Variants in KDM4B observed in about 807,000 individuals in gnomAD.
KDM4B encodes lysine-specific demethylase 4B.
KDM4B carries 32 observed loss-of-function variants against 125.2 expected under a neutral mutation model. The ratio of observed to expected loss-of-function variants is 0.26; its 90% CI spans 0.19 to 0.34. The LOEUF is 0.34. Among genes scored for constraint, KDM4B ranks in the 10% least tolerant of loss-of-function variants. The probability of loss-of-function intolerance (pLI) is 1.00; values close to 1 mark genes in which losing one functional copy is unlikely to be tolerated. For synonymous variants in KDM4B, 721 were observed against 677.9 expected, an observed-to-expected ratio of 1.06 and a Z score of -0.99; for missense variants, 1,190 against 1,577.7, an observed-to-expected ratio of 0.75 and a Z score of 4.16.
chr19:4,977,619 A>G (rs572759898), intron 1 of KDM4B, among the ~76,000 whole-genome samples: 1 of 152,160 alleles, frequency 6.6e-6, no homozygotes. Flanking sequence ...TTTGTATGAG[A>G]TTAGCCGGCC....
At chr19:4,991,008 C>G (rs1339314394) in intron 1 of KDM4B, among the ~76,000 whole-genome samples, 3 of 152,092 alleles carry the variant, frequency 2.0e-5, no homozygotes. Flanking sequence ...GTAGTCCCAG[C>G]TACTAGGGAG....
At chr19:5,009,266 G>A (rs1469150450) in intron 1 of KDM4B, among the ~76,000 whole-genome samples, 1 of 152,170 alleles carries the variant, frequency 6.6e-6, no homozygotes, top group African/African-American at 2.4e-5. Flanking sequence ...TTGGATTTTG[G>A]TATCAATAAG....
At chr19:5,150,587 C>G in intron 22 of KDM4B, 137 bp downstream of exon 22, 5 of 626,690 alleles carry the variant, frequency 8.0e-6, no homozygotes, top group Non-Finnish European at 1.4e-5. Context: ...GGGTCCCGGC[C>G]GCCCCAGCAC....
At chr19:5,088,056 C>T (rs938704123) in intron 9 of KDM4B, among the ~76,000 whole-genome samples, 11 of 152,244 alleles carry the variant, frequency 7.2e-5, no homozygotes, top group African/African-American at 1.4e-4. Flanking sequence ...CTGCTCTTCA[C>T]GCCCACCTGT....
At chr19:5,069,446 AT>A (rs982701643) in intron 6 of KDM4B, among the ~76,000 whole-genome samples, 25 of 151,800 alleles carry the variant, frequency 1.6e-4, no homozygotes, top group African/African-American at 5.6e-4. Flanking sequence ...AGTAGCTGGG[AT>A]TACAGGCGCC....
In KDM4B at chr19:5,051,281, C is replaced by T. The variant is rs372196329; in HGVS notation, c.626+3612C>T. Among the ~76,000 whole-genome samples, 36 of 152,350 alleles carry T rather than the reference C, an allele frequency of 2.4e-4. No individual in the cohort carries two copies. The East Asian group carries it at 4.6e-3, about 20-fold the overall frequency. On this transcript the variant is annotated intron_variant, in intron 6 of 22. Transcript: ENST00000159111. ...AAGAAGAGAGTGGAGTGGCCATCCCCCCTCGAGGGCCCTGGCCCACGCTGC... is the reference window on the plus strand; with the variant it reads ...AAGAAGAGAGTGGAGTGGCCATCCCTCCTCGAGGGCCCTGGCCCACGCTGC...
intron 6 of KDM4B, among the ~76,000 whole-genome samples, chr19:5,062,312 G>A (rs146115885): frequency 1.8e-4 from 27 of 152,360 alleles, no homozygotes; most frequent in African/African-American, 5.5e-4. Context: ...AGACTGACCT[G>A]TGGGGCAGCT....
intron 6 of KDM4B, among the ~76,000 whole-genome samples, chr19:5,061,009 T>A (rs2037577325): frequency 6.6e-6 from 1 of 152,214 alleles, no homozygotes; most frequent in Admixed American, 6.5e-5. Flanking sequence ...CTGCTCCTAA[T>A]TAAAGTGGGC....
chr19:5,143,975 G>C lies in KDM4B; in HGVS notation c.2559G>C (p.Val853=). ...TGTGTCCCCATCCCCAGAAATGCGT[G>C]TACTGCCGGAAGCGGATGAAGAAGG... ...IPEQRWKLKC[V]YCRKRMKKVS... Residue 853 remains valine (V), a synonymous_variant, in exon 19 of 23, where the codon GTG becomes GTC. Coordinates refer to ENST00000159111, the MANE Select transcript of KDM4B (RefSeq NM_015015.3). 1.3e-6 allele frequency: 2 copies of C among 1,581,654 alleles called. No individual in the cohort carries two copies. Among genetic ancestry groups the C allele is most frequent in the Non-Finnish European group, 1.7e-6 (2 of 1,155,262 alleles).
intron 6 of KDM4B, among the ~76,000 whole-genome samples, chr19:5,051,327 C>T (rs1226130572): frequency 1.3e-5 from 2 of 152,258 alleles, no homozygotes; most frequent in Non-Finnish European, 2.9e-5. Flanking sequence ...GCCCACTGTT[C>T]AGTCCTGTGC....
chr19:4,985,217 G>A (rs955355934), intron 1 of KDM4B, among the ~76,000 whole-genome samples: 2 of 152,122 alleles, frequency 1.3e-5, no homozygotes, highest in Admixed American at 6.5e-5. Context: ...CCAGCTACTC[G>A]GGAGGCTGAG....
intron 9 of KDM4B, among the ~76,000 whole-genome samples, chr19:5,095,387 A>G (rs1477958112): frequency 6.6e-6 from 1 of 152,222 alleles, no homozygotes; most frequent in Admixed American, 6.5e-5. Flanking sequence ...TTACATGAGC[A>G]GACTCTAGTA....
At position 5,077,131 on chromosome 19, in the gene KDM4B, T is replaced by C; in HGVS notation, c.677-236T>C. The C allele has an allele frequency of 5.3e-6, 3 of 567,010 alleles. No homozygotes were observed. In the South Asian group the frequency reaches 6.3e-5, roughly 12 times the overall value. The allele number at this position is 567,010 out of a possible 1,614,324, so 35.1% of individuals were successfully genotyped here. On this transcript the variant is annotated intron_variant, in intron 7 of 22. Coordinates refer to ENST00000159111, the MANE Select transcript of KDM4B (RefSeq NM_015015.3). Reference sequence around the variant, plus strand: ...CAGAGGCCAGAGGGTGTCACCACTGTCTGCCACCTGCAGAGCTCACAGCAG... The same window carrying C: ...CAGAGGCCAGAGGGTGTCACCACTGCCTGCCACCTGCAGAGCTCACAGCAG...
chr19:5,031,386 C>A (rs147394835), intron 2 of KDM4B, among the ~76,000 whole-genome samples: 1 of 152,264 alleles, frequency 6.6e-6, no homozygotes, highest in Non-Finnish European at 1.5e-5. Flanking sequence ...CTAGGCTGCA[C>A]GTGGTCACGT....
intron 5 of KDM4B, among the ~76,000 whole-genome samples, chr19:5,041,514 C>T (rs1262424951): frequency 6.6e-6 from 1 of 152,222 alleles, no homozygotes; most frequent in South Asian, 2.1e-4. Context: ...CCTCAGCAGC[C>T]GGCCCACAGC....
chr19:5,110,535 C>T (rs894944807), intron 9 of KDM4B, 87 bp from the exon 10 acceptor site: 18 of 1,347,036 alleles, frequency 1.3e-5, no homozygotes, highest in Admixed American at 5.4e-5. Context: ...AGGCCCGGGC[C>T]GTGAGCCCTA....
rs761769525 is a variant in KDM4B, at chr19:5,039,830, T to C, written c.142-6T>C. The C allele has an allele frequency of 7.4e-6, 12 of 1,611,350 alleles. No individual in the cohort carries two copies. Among genetic ancestry groups the C allele is most frequent in the South Asian group, 2.2e-5 (2 of 90,954 alleles). On this transcript the variant is annotated splice_region_variant and splice_polypyrimidine_tract_variant and intron_variant, in intron 3 of 22. Transcript: ENST00000159111. ...GGTGCCACTGACTCCCATCTTGGTCTTGCAGATCATCCCCCCGAAGGAGTG... is the reference window on the plus strand; with the variant it reads ...GGTGCCACTGACTCCCATCTTGGTCCTGCAGATCATCCCCCCGAAGGAGTG...
chr19:5,074,036 A>T (rs2038026550), intron 7 of KDM4B: 1 of 153,326 alleles, frequency 6.5e-6, no homozygotes. Flanking sequence ...TGAGCCTGGG[A>T]AGTCAAGGCT....
intron 1 of KDM4B, among the ~76,000 whole-genome samples, chr19:4,989,142 T>A (rs1599365087): frequency 6.6e-6 from 1 of 152,032 alleles, no homozygotes; most frequent in Non-Finnish European, 1.5e-5. Flanking sequence ...GTGGTAGAGG[T>A]GAGTCGCTGC....
Sources: allele counts gnomAD v4.1 joint callset (sites outside exome capture counted in the v4.1 genomes callset), GRCh38; gene constraint gnomAD v4.1.1; transcripts MANE v1.5; gene names NCBI Gene and HGNC (gene_info 2026-07-23, HGNC 2026-07-21).